GRIA3: variants seen among roughly 807,000 people sequenced by gnomAD.
The protein encoded by GRIA3 is glutamate receptor 3.
In GRIA3, 3 loss-of-function variants were observed where a neutral mutation model predicts 63.0. The ratio of observed to expected loss-of-function variants is 0.05; its 90% CI spans 0.02 to 0.12. The LOEUF is 0.12. Ranked by LOEUF, GRIA3 falls within the 10% of genes least tolerant of loss-of-function variation. The pLI, the probability that GRIA3 is intolerant of heterozygous loss-of-function variation, is 1.00. For synonymous variants in GRIA3, 274 were observed against 257.9 expected (o/e 1.06, Z -0.60); for missense variants, 347 against 700.9 (o/e 0.50, Z 5.70).
At chrX:123,269,160 G>A (rs184918013) in intron 3 of GRIA3, among the ~76,000 whole-genome samples, 37 of 111,949 alleles carry the variant, frequency 3.3e-4, no homozygotes, top group African/African-American at 1.1e-3. Flanking sequence ...AACAAGTCAC[G>A]GCATTAAATG....
intron 3 of GRIA3, among the ~76,000 whole-genome samples, chrX:123,271,649 G>A (rs963836782): frequency 1.8e-5 from 2 of 112,110 alleles, no homozygotes; most frequent in African/African-American, 6.5e-5. Context: ...CACCCTTGAC[G>A]AGCATTCATG....
At chrX:123,415,752 A>G (rs1453769817) in intron 10 of GRIA3, among the ~76,000 whole-genome samples, 2 of 111,636 alleles carry the variant, frequency 1.8e-5, no homozygotes, top group South Asian at 7.6e-4. Flanking sequence ...AACTTCCACT[A>G]GGATGTAAAG....
intron 2 of GRIA3, 81 bp downstream of exon 2, chrX:123,186,071 TG>T: frequency 1.3e-6 from 1 of 794,597 alleles, no homozygotes; most frequent in South Asian, 2.1e-5. Context: ...GGTCTGTGTA[TG>T]TGCTGGGAGA....
intron 2 of GRIA3, among the ~76,000 whole-genome samples, chrX:123,237,087 A>C (rs2044305894): frequency 8.9e-6 from 1 of 111,976 alleles, no homozygotes; most frequent in Admixed American, 9.5e-5. Flanking sequence ...AGGGAGTATC[A>C]GCCAGGTTTT....
At chrX:123,353,609 C>T in intron 4 of GRIA3, among the ~76,000 whole-genome samples, 1 of 111,839 alleles carries the variant, frequency 8.9e-6, no homozygotes, top group Non-Finnish European at 1.9e-5. Context: ...TGTTCTAAAC[C>T]CTTTAATAGC....
chrX:123,451,038 A>T (rs2045727238), intron 12 of GRIA3, among the ~76,000 whole-genome samples: 1 of 112,055 alleles, frequency 8.9e-6, no homozygotes, highest in African/African-American at 3.2e-5. Flanking sequence ...AGATGAGAGC[A>T]GTGAAGAAGA....
At position 123,242,825 on chromosome X, in the gene GRIA3, T is replaced by C. The variant is rs752514133; in HGVS notation, c.269-10478T>C. Among the ~76,000 whole-genome samples, 206 of 112,780 alleles carry C rather than the reference T, an allele frequency of 1.8e-3. 1 individual carries two copies. The highest frequency in any genetic ancestry group is 6.2e-3 in the African/African-American group (194 of 31,149). ...GGGAAGTGACCGGCCCAAGGCCATA[T>C]AGCCAATTAGGGGCTGAACTGTATA... is the stretch of plus-strand genomic sequence containing the variant. On this transcript the variant is annotated intron_variant, in intron 2 of 15. Coordinates refer to ENST00000620443, the MANE Select transcript of GRIA3 (RefSeq NM_007325.5).
Position 123,202,493 on chromosome X carries a change from C to G in GRIA3, c.268+16503C>G, listed in dbSNP as rs371013319. Reference sequence around the variant, plus strand: ...CTTAGCTCCTCAGAATGTTGGCTGCCTTCCCCAGCTGCCACTGTGGCCTGG... The same window carrying G: ...CTTAGCTCCTCAGAATGTTGGCTGCGTTCCCCAGCTGCCACTGTGGCCTGG... On this transcript the variant is annotated intron_variant, in intron 2 of 15. Transcript: ENST00000620443. 6.7e-5 allele frequency: 36 copies of G among 537,233 alleles called. No individual in the cohort carries two copies. In the African/African-American group the frequency reaches 8.5e-4, roughly 13 times the overall value. 44.3% of individuals were successfully genotyped at this position (537,233 alleles called of 1,213,427 possible). A position where few individuals can be genotyped will look rare whatever the true frequency, so the allele number is the denominator to read the frequency against.
intron 12 of GRIA3, among the ~76,000 whole-genome samples, chrX:123,464,426 G>A (rs965664135): frequency 2.7e-5 from 3 of 111,922 alleles, no homozygotes; most frequent in Non-Finnish European, 5.6e-5. Context: ...GGACTGGGCT[G>A]ACTAAAATAG....
Position 123,343,342 on chromosome X carries a change from T to G in GRIA3, c.697-11568T>G, listed in dbSNP as rs191791620. Among the ~76,000 whole-genome samples the G allele has an allele frequency of 3.8e-3, 418 of 111,441 alleles. 1 individual carries two copies. The highest frequency in any genetic ancestry group is 0.013 in the African/African-American group (405 of 30,673). On this transcript the variant is annotated intron_variant, in intron 4 of 15. Transcript: ENST00000620443. ...CATTCAAAACCTAGTCTAAAGATCC[T>G]TCTTTTTTCTCCAGTGGAAAGCCTT...
intron 4 of GRIA3, among the ~76,000 whole-genome samples, chrX:123,343,210 C>G (rs903567180): frequency 1.3e-4 from 15 of 111,808 alleles, no homozygotes; most frequent in African/African-American, 4.6e-4. Context: ...AAGCTCAGTA[C>G]ATTTTAGCTA....
intron 2 of GRIA3, among the ~76,000 whole-genome samples, chrX:123,223,955 A>G: frequency 9.0e-6 from 1 of 111,475 alleles, no homozygotes. Flanking sequence ...GGGAAGAGTA[A>G]TCATCTCACC....
At chrX:123,439,094 G>A (rs2045659965) in intron 12 of GRIA3, among the ~76,000 whole-genome samples, 1 of 111,982 alleles carries the variant, frequency 8.9e-6, no homozygotes, top group African/African-American at 3.2e-5. Context: ...CAAAGCCTTG[G>A]ACATTTTAGT....
intron 10 of GRIA3, among the ~76,000 whole-genome samples, chrX:123,414,838 T>G (rs1271621979): frequency 1.8e-5 from 2 of 111,402 alleles, no homozygotes; most frequent in Non-Finnish European, 3.8e-5. Flanking sequence ...ACATTTGGGT[T>G]GGTTCCAAGT....
intron 2 of GRIA3, among the ~76,000 whole-genome samples, chrX:123,243,392 T>C (rs1055290738): frequency 4.5e-5 from 5 of 111,991 alleles, no homozygotes; most frequent in Non-Finnish European, 9.4e-5. Flanking sequence ...CTCTACCAGA[T>C]TCATCTTGCA....
intron 3 of GRIA3, among the ~76,000 whole-genome samples, chrX:123,260,739 G>A (rs921270254): frequency 6.5e-5 from 7 of 108,443 alleles, no homozygotes; most frequent in Admixed American, 5.0e-4. Flanking sequence ...AAGGCCCAGC[G>A]AGTACATTAT....
At chrX:123,477,100 A>G (rs2045890580) in intron 13 of GRIA3, among the ~76,000 whole-genome samples, 1 of 111,630 alleles carries the variant, frequency 9.0e-6, no homozygotes, top group South Asian at 3.8e-4. Flanking sequence ...GGTTTTGGCA[A>G]GAGTGGACAG....
chrX:123,305,369 T>C (rs1433200487), intron 3 of GRIA3, among the ~76,000 whole-genome samples: 1 of 111,607 alleles, frequency 9.0e-6, no homozygotes, highest in Non-Finnish European at 1.9e-5. Flanking sequence ...ACCAAATAAA[T>C]AAGATAAAGA....
At chrX:123,308,204 G>A (rs1184054054) in intron 3 of GRIA3, among the ~76,000 whole-genome samples, 3 of 111,866 alleles carry the variant, frequency 2.7e-5, no homozygotes, top group Non-Finnish European at 3.8e-5. Context: ...GTTCTCAGTC[G>A]TTATACAAGA....
Sources: gnomAD v4.1 joint callset for allele counts (sites outside exome capture counted in the v4.1 genomes callset) on GRCh38, gnomAD v4.1.1 for gene constraint, MANE v1.5 for transcripts, NCBI Gene and HGNC (gene_info 2026-07-23, HGNC 2026-07-21) for gene names.